Variants in EHBP1 observed in about 807,000 individuals in gnomAD.
The protein encoded by EHBP1 is EH domain binding protein 1.
EHBP1 carries 55 observed loss-of-function variants against 144.0 expected under a neutral mutation model. That is an observed-to-expected ratio of 0.38 (90% confidence interval 0.31 to 0.48). The LOEUF (loss-of-function observed/expected upper bound fraction) is 0.48, where lower values mean the gene tolerates loss of function less well. EHBP1 is among the 20% of genes least tolerant of loss of function. The pLI is 0.98. For missense variants in EHBP1, 1,200 were observed against 1,364.2 expected, an observed-to-expected ratio of 0.88 and a Z score of 1.90; for synonymous variants, 469 against 472.7, an observed-to-expected ratio of 0.99 and a Z score of 0.10.
At chr2:62,832,172 A>G (rs564281755) in intron 7 of EHBP1, among the ~76,000 whole-genome samples, 36 of 152,260 alleles carry the variant, frequency 2.4e-4, no homozygotes, top group African/African-American at 8.2e-4. Context: ...GTGTTTTACC[A>G]TGTGCTTTGT....
intron 2 of EHBP1, among the ~76,000 whole-genome samples, chr2:62,746,259 G>C (rs1031682343): frequency 4.6e-5 from 7 of 151,954 alleles, no homozygotes; most frequent in Non-Finnish European, 8.8e-5. Flanking sequence ...GTTGAACAAG[G>C]TGTTTTTTTT....
intron 18 of EHBP1, among the ~76,000 whole-genome samples, chr2:62,996,358 A>G (rs2059626478): frequency 6.6e-6 from 1 of 152,142 alleles, no homozygotes; most frequent in African/African-American, 2.4e-5. Flanking sequence ...AACTCTAAGG[A>G]GAATTTTTTT....
chr2:62,968,809 G>A (rs1426890742), intron 14 of EHBP1, among the ~76,000 whole-genome samples: 3 of 152,180 alleles, frequency 2.0e-5, no homozygotes, highest in Non-Finnish European at 2.9e-5. Flanking sequence ...TTCTGCATGA[G>A]TAGGTGCCAG....
In EHBP1 at chr2:62,955,604, G is replaced by A. The variant is rs2057652810; in HGVS notation, c.2404G>A (p.Gly802Arg). ...QARRDAALKA[G>R]NKHNTNTATP... Reference sequence around the variant, plus strand: ...AAGAAGAGATGCAGCCTTAAAGGCGGGGAATAAGCACAATACCAACACAGC... The same window carrying A: ...AAGAAGAGATGCAGCCTTAAAGGCGAGGAATAAGCACAATACCAACACAGC... Residue 802 changes from glycine to arginine, a missense_variant, in exon 14 of 23, where the codon GGG (glycine) becomes AGG (arginine). This residue lies in a region of EHBP1 where 543 missense variants were observed against 513.1 expected (regional missense o/e 1.06). Coordinates refer to ENST00000431489, the MANE Select transcript of EHBP1 (RefSeq NM_001142616.3). 1.2e-6 allele frequency: 2 copies of A among 1,612,602 alleles called. No individual in the cohort carries two copies. The highest frequency in any genetic ancestry group is 1.7e-6 in the Non-Finnish European group (2 of 1,179,106).
chr2:62,820,083 T>A (rs190611476), intron 5 of EHBP1, among the ~76,000 whole-genome samples: 58 of 151,800 alleles, frequency 3.8e-4, no homozygotes, highest in African/African-American at 1.2e-3. Context: ...TGGTGGCAGG[T>A]GCCTGTAATC....
At chr2:62,748,026 G>T (rs2039321199) in intron 3 of EHBP1, among the ~76,000 whole-genome samples, 1 of 152,000 alleles carries the variant, frequency 6.6e-6, no homozygotes, top group Non-Finnish European at 1.5e-5. Flanking sequence ...TTATTACTCA[G>T]TCTGCGGCAT....
intron 1 of EHBP1, among the ~76,000 whole-genome samples, chr2:62,699,654 C>T (rs79498931): frequency 0.093 from 14,114 of 152,236 alleles, 840 homozygotes; most frequent in Non-Finnish European, 0.13. Context: ...ACTAGGCCAA[C>T]GTTTACAGTT....
chr2:62,679,550 G>A (rs907844448), intron 1 of EHBP1, among the ~76,000 whole-genome samples: 3 of 151,918 alleles, frequency 2.0e-5, no homozygotes, highest in Admixed American at 6.6e-5. Context: ...TAATATTCCA[G>A]TTTCTTGTTC....
At chr2:62,740,399 G>A (rs2038590341) in intron 2 of EHBP1, among the ~76,000 whole-genome samples, 1 of 152,118 alleles carries the variant, frequency 6.6e-6, no homozygotes, top group African/African-American at 2.4e-5. Context: ...TTGTGAGTAA[G>A]CATAAAGGAG....
intron 3 of EHBP1, among the ~76,000 whole-genome samples, chr2:62,758,835 C>G (rs985877030): frequency 1.3e-5 from 2 of 152,150 alleles, no homozygotes; most frequent in South Asian, 4.1e-4. Context: ...AGAGCTTTGC[C>G]TAATGACAGT....
chr2:62,846,257 G>A (rs2048292310), intron 7 of EHBP1, among the ~76,000 whole-genome samples: 1 of 152,124 alleles, frequency 6.6e-6, no homozygotes, highest in Admixed American at 6.6e-5. Flanking sequence ...TGGGAACGAG[G>A]GCTCTAAAAA....
chr2:62,697,238 CT>C (rs1389133932), intron 1 of EHBP1, among the ~76,000 whole-genome samples: 3 of 152,224 alleles, frequency 2.0e-5, no homozygotes, highest in Non-Finnish European at 4.4e-5. Context: ...ATCAATGTCT[CT>C]ATTCAGTAAA....
Position 62,979,262 on chromosome 2 carries a change from G to A in EHBP1, c.2535G>A (p.Val845=). ...TAATAGCAGAAGCTCGATCTGGAGTGAAGATGTCAGAACTTCCCAGCTATG... is the reference window on the plus strand; with the variant it reads ...TAATAGCAGAAGCTCGATCTGGAGTAAAGATGTCAGAACTTCCCAGCTATG... ...RQLIAEARSG[V]KMSELPSYGE... The change falls in exon 15 of 23, where the codon GTG becomes GTA. Residue 845 remains valine, a synonymous_variant. Coordinates refer to ENST00000431489, the MANE Select transcript of EHBP1 (RefSeq NM_001142616.3). 1 of 1,613,938 alleles carries A rather than the reference G, an allele frequency of 6.2e-7. No homozygotes were observed. The highest frequency in any genetic ancestry group is 8.5e-7 in the Non-Finnish European group (1 of 1,179,924).
chr2:63,020,502 CAA>C (rs544692213), intron 19 of EHBP1, among the ~76,000 whole-genome samples: 4 of 105,262 alleles, frequency 3.8e-5, no homozygotes, highest in Non-Finnish European at 6.1e-5. Flanking sequence ...GACTACATCT[CAA>C]AAAAAAAAAA....
At chr2:62,809,472 A>G (rs1051069383) in intron 5 of EHBP1, among the ~76,000 whole-genome samples, 2 of 152,010 alleles carry the variant, frequency 1.3e-5, no homozygotes, top group Non-Finnish European at 2.9e-5. Context: ...GTGTGACCTT[A>G]TCCCCCTGGA....
In EHBP1 at chr2:62,996,642, G is replaced by T. The variant is rs2059640302; in HGVS notation, c.2980-1G>T. 17 of 1,612,786 alleles carry T rather than the reference G, an allele frequency of 1.1e-5. No homozygotes were observed. The highest frequency in any genetic ancestry group is 1.4e-5 in the Non-Finnish European group (17 of 1,179,396). ...TCCTTCCTGTTTGTTCTTGTTAACA[G>T]AAAGGGTTCAAAGACACCAGTCAGT... On this transcript the variant is annotated splice_acceptor_variant, in intron 18 of 22. Coordinates refer to ENST00000431489, the MANE Select transcript of EHBP1 (RefSeq NM_001142616.3). LOFTEE classifies it high-confidence loss of function.
chr2:62,979,426 C>T lies in EHBP1; in HGVS notation c.2608+91C>T, dbSNP rs944032328. On this transcript the variant is annotated intron_variant, in intron 15 of 22. Transcript: ENST00000431489. The stretch of plus-strand genomic sequence containing the variant: ...TTTTTATTCTTACTTCAAAATGTTG[C>T]TTCAAAAATATAAAGCTTCTAACCT... 5 of 1,375,660 alleles carry T rather than the reference C, an allele frequency of 3.6e-6. No homozygotes were observed. In the African/African-American group the frequency reaches 5.8e-5, roughly 16 times the overall value. The allele number at this position is 1,375,660 out of a possible 1,614,324, so 85.2% of individuals were successfully genotyped here.
chr2:62,836,188 AC>A (rs900219682), intron 7 of EHBP1, among the ~76,000 whole-genome samples: 56 of 152,122 alleles, frequency 3.7e-4, no homozygotes, highest in Admixed American at 3.3e-3. Context: ...CTGACCCCTG[AC>A]CCCCGAGCAG....
At chr2:62,825,932 T>C in intron 5 of EHBP1, 155 bp from the exon 6 acceptor site, 1 of 504,234 alleles carries the variant, frequency 2.0e-6, no homozygotes, top group Non-Finnish European at 3.2e-6. Context: ...GTGATACAAC[T>C]TCATTGTAAT....
Sources: gnomAD v4.1 joint callset for allele counts (sites outside exome capture counted in the v4.1 genomes callset) on GRCh38, gnomAD v4.1.1 for gene constraint, gnomAD v4.1.1 regional missense constraint, MANE v1.5 for transcripts, NCBI Gene and HGNC (gene_info 2026-07-23, HGNC 2026-07-21) for gene names.